The following BBS9 variants were observed in gnomAD, a reference collection of about 807,000 sequenced individuals.
BBS9 encodes the protein protein PTHB1.
Under a neutral mutation model 117.7 loss-of-function variants are expected in BBS9, and 89 were observed. The observed-to-expected ratio is 0.76, with a 90% CI of 0.64 to 0.90. The LOEUF is 0.90. Among genes scored for constraint, BBS9 ranks in the 40% least tolerant of loss-of-function variants. The probability of loss-of-function intolerance (pLI) is 0.00; values close to 1 mark genes in which losing one functional copy is unlikely to be tolerated. For synonymous variants in BBS9, 379 were observed against 370.9 expected, an observed-to-expected ratio of 1.02 and a Z score of -0.25; for missense variants, 982 against 1,042.2, an observed-to-expected ratio of 0.94 and a Z score of 0.80.
intron 19 of BBS9, among the ~76,000 whole-genome samples, chr7:33,394,327 ACTTAAAAGTGGGAG>A (rs1827584790): frequency 6.6e-6 from 1 of 152,108 alleles, no homozygotes; most frequent in Non-Finnish European, 1.5e-5. Flanking sequence ...AGATATTCTC[ACTTAAAAGTGGGAG>A]CTAACTGGTG....
chr7:33,138,705 G>C (rs1475100742), intron 1 of BBS9, among the ~76,000 whole-genome samples: 1 of 150,944 alleles, frequency 6.6e-6, no homozygotes, highest in African/African-American at 2.4e-5. Flanking sequence ...TGCAATCATG[G>C]CTCACTGTAG....
At chr7:33,575,756 A>G (rs1279537660) in intron 21 of BBS9, among the ~76,000 whole-genome samples, 2 of 152,132 alleles carry the variant, frequency 1.3e-5, no homozygotes, top group Non-Finnish European at 2.9e-5. Context: ...TTCAACATAC[A>G]CAAATCAATA....
At chr7:33,423,142 G>C (rs967495172) in intron 19 of BBS9, among the ~76,000 whole-genome samples, 1 of 152,156 alleles carries the variant, frequency 6.6e-6, no homozygotes, top group African/African-American at 2.4e-5. Context: ...CCATGTTAAA[G>C]ATACTACAGA....
rs763234464 is a variant in BBS9 at position 33,146,288 on chromosome 7, T to C, written c.36T>C (p.Thr12=). ...TTAAAGCCCGTGATTGGTGGTCTAC[T>C]ATTCTGGGAGATAAAGAAGAATTTG... is the stretch of plus-strand genomic sequence containing the variant. ...SLFKARDWWS[T]ILGDKEEFDQ... is the part of the protein sequence containing the mutation. Residue 12 remains threonine (T), a synonymous_variant, in exon 2 of 23, where the codon ACT becomes ACC. Transcript: ENST00000242067. 8 of 1,614,018 alleles carry C rather than the reference T, an allele frequency of 5.0e-6. No homozygotes were observed. Among genetic ancestry groups the C allele is most frequent in the Non-Finnish European group, 6.8e-6 (8 of 1,179,976 alleles).
intron 6 of BBS9, 35 bp from the exon 7 acceptor site, chr7:33,264,255 A>T (rs112087780): frequency 1.0e-5 from 11 of 1,052,964 alleles, no homozygotes; most frequent in Non-Finnish European, 1.3e-5. Flanking sequence ...TTAATTATAA[A>T]CTCATTTATA....
intron 20 of BBS9, among the ~76,000 whole-genome samples, chr7:33,507,331 C>A (rs569085561): frequency 6.6e-6 from 1 of 152,254 alleles, no homozygotes; most frequent in African/African-American, 2.4e-5. Flanking sequence ...ACCTCTGCCT[C>A]CTGGGTTCAA....
intron 18 of BBS9, 88 bp from the exon 19 acceptor site, chr7:33,387,902 CTT>C: frequency 2.1e-6 from 3 of 1,429,418 alleles, no homozygotes; most frequent in Non-Finnish European, 2.9e-6. Flanking sequence ...CTTCATTACT[CTT>C]TTACTTTTAT....
At chr7:33,598,540 T>G (rs1163269659) in intron 21 of BBS9, among the ~76,000 whole-genome samples, 2 of 152,196 alleles carry the variant, frequency 1.3e-5, no homozygotes, top group South Asian at 4.1e-4. Flanking sequence ...GTTCATTAGT[T>G]GTAACACATG....
chr7:33,613,741 C>T (rs966142679), intron 21 of BBS9, among the ~76,000 whole-genome samples: 2 of 151,802 alleles, frequency 1.3e-5, no homozygotes, highest in African/African-American at 2.4e-5. Flanking sequence ...TATAGTATTC[C>T]CTTAAAGTGA....
intron 19 of BBS9, among the ~76,000 whole-genome samples, chr7:33,485,090 C>T (rs368243406): frequency 3.7e-4 from 56 of 152,120 alleles, no homozygotes; most frequent in Admixed American, 2.6e-3. Flanking sequence ...GGGAGCTGAA[C>T]GATGAGAACA....
chr7:33,444,398 C>T (rs1248393506), intron 19 of BBS9, among the ~76,000 whole-genome samples: 3 of 152,104 alleles, frequency 2.0e-5, no homozygotes, highest in Admixed American at 1.3e-4. Context: ...TTAAATTTTT[C>T]TGTTTTCCAA....
chr7:33,254,428 G>A (rs1045919860), intron 5 of BBS9, among the ~76,000 whole-genome samples: 5 of 152,124 alleles, frequency 3.3e-5, no homozygotes, highest in African/African-American at 1.2e-4. Flanking sequence ...ACAATGTGAT[G>A]TTCTGATATA....
chr7:33,129,671 T>A lies in BBS9; in HGVS notation c.-382T>A, dbSNP rs1562637735. ...CCCATTCACCGCCTCCTCCATCCTT[T>A]CCTCCTCGGTGTGAGCAGCAGGACT... On this transcript the variant is annotated 5_prime_UTR_variant, in exon 1 of 23. Transcript: ENST00000242067. The A allele has an allele frequency of 6.5e-6, 1 of 152,684 alleles. No homozygotes were observed. The highest frequency in any genetic ancestry group is 2.4e-5 in the African/African-American group (1 of 41,436). 9.5% of individuals were successfully genotyped at this position (152,684 alleles called of 1,614,324 possible). A position where few individuals can be genotyped will look rare whatever the true frequency, so the allele number is the denominator to read the frequency against.
chr7:33,548,274 T>A (rs1563341683), intron 21 of BBS9, among the ~76,000 whole-genome samples: 1 of 152,206 alleles, frequency 6.6e-6, no homozygotes, highest in African/African-American at 2.4e-5. Context: ...TCACTATTCT[T>A]ATTTCTTTAA....
rs1796525538 is a variant in BBS9 at position 33,171,269 on chromosome 7, G to C, written c.329-6209G>C. On this transcript the variant is annotated intron_variant, in intron 4 of 22. Coordinates refer to ENST00000242067, the MANE Select transcript of BBS9 (RefSeq NM_198428.3). ...ACCAAAACAGAGATATAGATCAATG[G>C]AACAGAACAGAGCCCTCAGAAATAA... Among the ~76,000 whole-genome samples, 3 of 151,812 alleles carry C rather than the reference G, an allele frequency of 2.0e-5. No homozygotes were observed. In the South Asian group the frequency reaches 6.2e-4, roughly 32 times the overall value.
At chr7:33,214,560 G>T (rs1235061217) in intron 5 of BBS9, among the ~76,000 whole-genome samples, 1 of 152,166 alleles carries the variant, frequency 6.6e-6, no homozygotes, top group East Asian at 1.9e-4. Context: ...AAAATTTGGT[G>T]TTCCTGCCAG....
intron 5 of BBS9, among the ~76,000 whole-genome samples, chr7:33,182,604 T>C (rs955687842): frequency 6.6e-6 from 1 of 152,220 alleles, no homozygotes; most frequent in Non-Finnish European, 1.5e-5. Context: ...CAAAGATTAC[T>C]TAAGTCACGT....
At chr7:33,146,704 A>AG (rs1177342340) in intron 2 of BBS9, among the ~76,000 whole-genome samples, 3 of 149,870 alleles carry the variant, frequency 2.0e-5, no homozygotes, top group Admixed American at 1.3e-4. Flanking sequence ...ATCTCAAAAA[A>AG]AAAAAAAAAA....
At chr7:33,151,358 C>G (rs1350554794) in intron 2 of BBS9, among the ~76,000 whole-genome samples, 1 of 151,118 alleles carries the variant, frequency 6.6e-6, no homozygotes, top group Non-Finnish European at 1.5e-5. Flanking sequence ...TTTTTTTTGG[C>G]CACAAGTGAC....
Sources: allele counts gnomAD v4.1 joint callset (sites outside exome capture counted in the v4.1 genomes callset), GRCh38; gene constraint gnomAD v4.1.1; transcripts MANE v1.5; gene names NCBI Gene and HGNC (gene_info 2026-07-23, HGNC 2026-07-21).